The following TLN1 variants were observed in gnomAD, a reference collection of about 807,000 sequenced individuals.
TLN1 encodes the protein talin-1.
In TLN1, 56 loss-of-function variants were observed where a neutral mutation model predicts 292.3. That is an observed-to-expected ratio of 0.19 (90% CI 0.15 to 0.24). The LOEUF (loss-of-function observed/expected upper bound fraction) is 0.24, where lower values mean the gene tolerates loss of function less well. TLN1 is among the 10% of genes least tolerant of loss of function. TLN1 has a pLI of 1.00. For missense variants in TLN1, 2,433 were observed against 3,248.2 expected (o/e 0.75, Z 6.10); for synonymous variants, 1,119 against 1,253.7 (o/e 0.89, Z 2.27).
chr9:35,702,198 T>C (rs1381987418), intron 48 of TLN1, among the ~76,000 whole-genome samples: 2 of 152,182 alleles, frequency 1.3e-5, no homozygotes, highest in Non-Finnish European at 2.9e-5. Flanking sequence ...TCTTCATGAC[T>C]GCAAGGGTGT....
At position 35,720,166 on chromosome 9, in the gene TLN1, G is replaced by A. The variant is rs1825856426; in HGVS notation, c.1337C>T (p.Ser446Phe). ...YNRVGKVEHG[S>F]VALPAIMRSG... ...GCGCATGATGGCAGGCAGGGCCACA[G>A]AGCCATGCTCCACTTTCCCCACCCG... Residue 446 changes from serine (S) to phenylalanine (F), a missense_variant, in exon 13 of 57, where the codon TCT (serine) becomes TTT (phenylalanine). By Grantham distance (155) the Ser-to-Phe change is radical. Around this residue, in one of 7 missense-constraint regions of TLN1, gnomAD observed 617 missense variants for 770.6 expected, o/e 0.80. Coordinates refer to ENST00000314888, the MANE Select transcript of TLN1 (RefSeq NM_006289.4). 6 of 1,610,722 alleles carry A rather than the reference G, an allele frequency of 3.7e-6. No individual in the cohort carries two copies. The highest frequency in any genetic ancestry group is 3.4e-6 in the Non-Finnish European group (4 of 1,178,536).
intron 17 of TLN1, among the ~76,000 whole-genome samples, chr9:35,718,353 T>C (rs1251934434): frequency 5.3e-5 from 8 of 152,202 alleles, no homozygotes; most frequent in Admixed American, 5.2e-4. Flanking sequence ...CAGAGGCTGT[T>C]ACCGTAGGGG....
Position 35,697,565 on chromosome 9 carries a change from TC to T in TLN1, c.*225del, listed in dbSNP as rs557190055. On this transcript the variant is annotated 3_prime_UTR_variant, in exon 57 of 57. Coordinates refer to ENST00000314888, the MANE Select transcript of TLN1 (RefSeq NM_006289.4). ...AATAATACTCTTGGAGCGTTAATAC[TC>T]TGGGGAGGGGCAGGCACTTGGGGGG... is the stretch of plus-strand genomic sequence containing the variant. 181 of 603,392 alleles carry T rather than the reference TC, an allele frequency of 3.0e-4. No individual in the cohort carries two copies. Among genetic ancestry groups the T allele is most frequent in the African/African-American group, 3.0e-3 (159 of 53,228 alleles). The allele number at this position is 603,392 out of a possible 1,614,324, so 37.4% of individuals were successfully genotyped here. A position where few individuals can be genotyped will look rare whatever the true frequency, so the allele number is the denominator to read the frequency against.
At chr9:35,729,794 A>G (rs1055867713) in intron 1 of TLN1, among the ~76,000 whole-genome samples, 1 of 152,008 alleles carries the variant, frequency 6.6e-6, no homozygotes, top group African/African-American at 2.4e-5. Flanking sequence ...ACGAATTGGG[A>G]AGAGGGGAAA....
In TLN1 at chr9:35,702,712, C is replaced by T. The variant is rs368415400; in HGVS notation, c.6474+848G>A. 1.2e-4 allele frequency among the ~76,000 whole-genome samples: 18 copies of T among 151,894 alleles called. No homozygotes were observed. The East Asian group carries it at 3.0e-3, about 25-fold the overall frequency. The stretch of plus-strand genomic sequence containing the variant: ...TTCACCATATTGGCCAGGCTGGTCT[C>T]GAACTCCCGACCTTGTGATCCACCC... On this transcript the variant is annotated intron_variant, in intron 48 of 56. Transcript: ENST00000314888.
Position 35,707,849 on chromosome 9 carries a change from A to C in TLN1, c.4514T>G (p.Leu1505Arg). ...AGAAGCCAGGCGACAGCTGTTACAC[A>C]GTGCAGAGGTGTGTTTAGCCACAAT... Reference protein sequence around the residue: ...ATIVAKHTSALCNSCRLASAR... With the variant: ...ATIVAKHTSARCNSCRLASAR... Residue 1505 changes from leucine to arginine, a missense_variant, in exon 35 of 57, where the codon CTG becomes CGG. Physicochemically the swap from Leu to Arg is moderately radical, Grantham distance 102 (BLOSUM62 -2). Coordinates refer to ENST00000314888, the MANE Select transcript of TLN1 (RefSeq NM_006289.4). This position sits in a 1 kb window ranked among gnomAD's most constrained non-coding sequence, Gnocchi z 5.6. The C allele has an allele frequency of 6.2e-7, 1 of 1,614,184 alleles. No homozygotes were observed. The highest frequency in any genetic ancestry group is 8.5e-7 in the Non-Finnish European group (1 of 1,180,032).
chr9:35,702,946 A>G (rs1479259110), intron 48 of TLN1, among the ~76,000 whole-genome samples: 1 of 152,174 alleles, frequency 6.6e-6, no homozygotes, highest in African/African-American at 2.4e-5. Flanking sequence ...AGAAAGTGGG[A>G]GGGTGGTGAA....
In TLN1 at chr9:35,714,727, T is replaced by C; in HGVS notation, c.2871+33A>G. 1 of 1,611,442 alleles carries C rather than the reference T, an allele frequency of 6.2e-7. No individual in the cohort carries two copies. The highest frequency in any genetic ancestry group is 8.5e-7 in the Non-Finnish European group (1 of 1,178,198). On this transcript the variant is annotated intron_variant, in intron 22 of 56. Transcript: ENST00000314888. The surrounding 1 kb of genome is among the most constrained non-coding windows in gnomAD (Gnocchi z 4.6). Reference sequence around the variant, plus strand: ...GTCATAAGAGACCCACAAGTCTCCCTCTTCCACTCCCACATCCTTCCTAGA... The same window carrying C: ...GTCATAAGAGACCCACAAGTCTCCCCCTTCCACTCCCACATCCTTCCTAGA...
Position 35,697,756 on chromosome 9 carries a change from C to T in TLN1, c.*35G>A. 6.2e-7 allele frequency: 1 copy of T among 1,611,452 alleles called. No homozygotes were observed. Among genetic ancestry groups the T allele is most frequent in the Non-Finnish European group, 8.5e-7 (1 of 1,178,612 alleles). ...GCTTTGGTAGTGGCACGCACAGTCTCTGGGCCGGGTCTGCATTAAATAGAA... is the reference window on the plus strand; with the variant it reads ...GCTTTGGTAGTGGCACGCACAGTCTTTGGGCCGGGTCTGCATTAAATAGAA... On this transcript the variant is annotated 3_prime_UTR_variant, in exon 57 of 57. Coordinates refer to ENST00000314888, the MANE Select transcript of TLN1 (RefSeq NM_006289.4).
Position 35,706,526 on chromosome 9 carries a change from G to A in TLN1, c.5114C>T (p.Ala1705Val). The A allele has an allele frequency of 6.2e-7, 1 of 1,614,080 alleles. No homozygotes were observed. Among genetic ancestry groups the A allele is most frequent in the East Asian group, 2.2e-5 (1 of 44,884 alleles). The change falls in exon 39 of 57, where the codon GCA (alanine) becomes GTA (valine). Residue 1705 changes from alanine (A) to valine (V), a missense_variant. Ala to Val is a moderately conservative substitution (Grantham distance 64). Transcript: ENST00000314888. The surrounding 1 kb of genome is among the most constrained non-coding windows in gnomAD (Gnocchi z 4.2). ...AATGAGATGGGAGATCTCTTGGACTGCAGTGAGCATCTGAGTGTGCAAGGC... is the reference window on the plus strand; with the variant it reads ...AATGAGATGGGAGATCTCTTGGACTACAGTGAGCATCTGAGTGTGCAAGGC... ...QEALHTQMLT[A>V]VQEISHLIEP...
rs879165236 is a variant in TLN1, at chr9:35,700,301, T to C, written c.6550A>G (p.Met2184Val). The C allele has an allele frequency of 1.1e-5, 17 of 1,613,622 alleles. No homozygotes were observed. Among genetic ancestry groups the C allele is most frequent in the Non-Finnish European group, 1.4e-5 (17 of 1,179,588 alleles). Residue 2184 changes from methionine to valine, a missense_variant, in exon 49 of 57, where the codon ATG becomes GTG. Transcript: ENST00000314888. ...GCAGCAACGGCCTTGGCGGTTGCCA[T>C]GGTGATACCCTTGGTCATTCGGATG... ...DFIRMTKGIT[M>V]ATAKAVAAGN...
At position 35,717,490 on chromosome 9, in the gene TLN1, G is replaced by A; in HGVS notation, c.2164-50C>T. 6.3e-7 allele frequency: 1 copy of A among 1,593,064 alleles called. No individual in the cohort carries two copies. The highest frequency in any genetic ancestry group is 1.1e-5 in the South Asian group (1 of 88,362). On this transcript the variant is annotated intron_variant, in intron 18 of 56. Coordinates refer to ENST00000314888, the MANE Select transcript of TLN1 (RefSeq NM_006289.4). This position sits in a 1 kb window ranked among gnomAD's most constrained non-coding sequence, Gnocchi z 4.7. The stretch of plus-strand genomic sequence containing the variant: ...ACGTAGGCAAGGGAAAGGAGGTAGA[G>A]TATGCTGCTCATAGCAGTAACTGGG...
intron 48 of TLN1, among the ~76,000 whole-genome samples, chr9:35,702,356 A>G (rs1825480091): frequency 6.6e-6 from 1 of 152,234 alleles, no homozygotes; most frequent in Admixed American, 6.5e-5. Flanking sequence ...GCCAAAGAAG[A>G]GAAGAGAGAA....
rs758885254 is a variant in TLN1 at position 35,724,479 on chromosome 9, C to G, written c.511+93G>C. 3.8e-5 allele frequency: 59 copies of G among 1,566,580 alleles called. No homozygotes were observed. Among genetic ancestry groups the G allele is most frequent in the Non-Finnish European group, 5.1e-5 (59 of 1,152,090 alleles). On this transcript the variant is annotated intron_variant, in intron 5 of 56. Coordinates refer to ENST00000314888, the MANE Select transcript of TLN1 (RefSeq NM_006289.4). This position sits in a 1 kb window ranked among gnomAD's most constrained non-coding sequence, Gnocchi z 4.7. ...CTTTGTTTTCTCACTGATGTATCCC[C>G]AGGGTGTAAAACAGTGCCTGGCAGA...
intron 19 of TLN1, among the ~76,000 whole-genome samples, 191 bp from the exon 20 acceptor site, chr9:35,716,747 A>G (rs1183727178): frequency 6.6e-6 from 1 of 152,154 alleles, no homozygotes; most frequent in Non-Finnish European, 1.5e-5. Context: ...TTGGAGAAAA[A>G]GATTCTCCAG....
At chr9:35,713,351 G>A in intron 25 of TLN1, 53 bp from the exon 26 acceptor site, 2 of 1,448,222 alleles carry the variant, frequency 1.4e-6, no homozygotes, top group Non-Finnish European at 1.9e-6. Flanking sequence ...GTGAGGAGAA[G>A]GAACCTGAGA....
rs1260467002 is a variant in TLN1 at position 35,706,718 on chromosome 9, G to A, written c.5088+50C>T. The A allele has an allele frequency of 6.3e-7, 1 of 1,599,258 alleles. No homozygotes were observed. Among genetic ancestry groups the A allele is most frequent in the Non-Finnish European group, 8.5e-7 (1 of 1,172,618 alleles). On this transcript the variant is annotated intron_variant, in intron 38 of 56. Coordinates refer to ENST00000314888, the MANE Select transcript of TLN1 (RefSeq NM_006289.4). This position sits in a 1 kb window ranked among gnomAD's most constrained non-coding sequence, Gnocchi z 4.2. ...TTGATCCCCCAGCTTCTTTGAGTCT[G>A]ATATTTCTCTTCCTAGACACATCTT...
Position 35,714,268 on chromosome 9 carries a change from G to C in TLN1, c.3091C>G (p.Leu1031Val). 6.2e-7 allele frequency: 1 copy of C among 1,613,272 alleles called. No homozygotes were observed. Among genetic ancestry groups the C allele is most frequent in the Non-Finnish European group, 8.5e-7 (1 of 1,179,272 alleles). Reference protein sequence around the residue: ...SQCAKNLGTALAELRTAAQKA... With the variant: ...SQCAKNLGTAVAELRTAAQKA... ...TGGGCAGCCGTCCGGAGTTCAGCCA[G>C]CGCGGTGCCCAGGTTCTTGGCACAC... The change falls in exon 24 of 57, where the codon CTG becomes GTG. Residue 1031 changes from leucine (L) to valine (V), a missense_variant. Leu to Val is a conservative substitution (Grantham distance 32). This residue lies in a region of TLN1 where 1,384 missense variants were observed against 1,699.6 expected (regional missense o/e 0.81). Transcript: ENST00000314888. This position sits in a 1 kb window ranked among gnomAD's most constrained non-coding sequence, Gnocchi z 4.6.
intron 25 of TLN1, 105 bp from the exon 26 acceptor site, chr9:35,713,403 G>T: frequency 2.2e-6 from 2 of 914,246 alleles, no homozygotes; most frequent in Non-Finnish European, 3.3e-6. Context: ...AATGTTTTGG[G>T]CTGGGTGCGA....
Sources: gnomAD v4.1 joint callset for allele counts (sites outside exome capture counted in the v4.1 genomes callset) on GRCh38, gnomAD v4.1.1 for gene constraint, gnomAD v4.1.1 regional missense constraint, Gnocchi (gnomAD v3.1) non-coding constraint, MANE v1.5 for transcripts, NCBI Gene and HGNC (gene_info 2026-07-23, HGNC 2026-07-21) for gene names.